Variants in EP300 observed in about 807,000 individuals in gnomAD.
The protein encoded by EP300 is histone acetyltransferase p300.
In EP300, 31 loss-of-function variants were observed where a neutral mutation model predicts 264.0. The observed-to-expected ratio is 0.12, with a 90% CI of 0.09 to 0.16. EP300 has a LOEUF of 0.16. EP300 is among the 10% of genes least tolerant of loss of function. The pLI is 1.00. For missense variants in EP300, 2,766 were observed against 3,052.9 expected (o/e 0.91, Z 2.21); for synonymous variants, 1,340 against 1,045.4 (o/e 1.28, Z -5.44).
intron 17 of EP300, among the ~76,000 whole-genome samples, chr22:41,155,870 T>G (rs1366023174): frequency 6.6e-6 from 1 of 152,182 alleles, no homozygotes; most frequent in Non-Finnish European, 1.5e-5. Flanking sequence ...TTGATAGACA[T>G]TTAGGTTGTT....
chr22:41,128,274 G>T, intron 4 of EP300, among the ~76,000 whole-genome samples: 1 of 152,080 alleles, frequency 6.6e-6, no homozygotes, highest in African/African-American at 2.4e-5. Flanking sequence ...GGGCAATATG[G>T]TGAAACCTCG....
chr22:41,167,598 ATATATATATATATATATATATATATATAT>A (rs2059144574), intron 23 of EP300, among the ~76,000 whole-genome samples: 1 of 15,704 alleles, frequency 6.4e-5, no homozygotes, highest in Non-Finnish European at 1.6e-4. Context: ...ATATATATAT[ATATATATATATATATATATATATATATAT>A]ATATATATAA....
chr22:41,140,839 C>G (rs1446111371), intron 9 of EP300, among the ~76,000 whole-genome samples: 1 of 152,116 alleles, frequency 6.6e-6, no homozygotes, highest in African/African-American at 2.4e-5. Context: ...GTTCTCTTTT[C>G]ACTAGAATAT....
In EP300 at chr22:41,179,663, CTTT is replaced by C; in HGVS notation, c.*710_*712del. 1 of 226,504 alleles carries C rather than the reference CTTT, an allele frequency of 4.4e-6. No homozygotes were observed. The highest frequency in any genetic ancestry group is 6.4e-5 in the East Asian group (1 of 15,742). The allele number at this position is 226,504 out of a possible 1,614,324, so 14.0% of individuals were successfully genotyped here. A position where few individuals can be genotyped will look rare whatever the true frequency, so the allele number is the denominator to read the frequency against. On this transcript the variant is annotated 3_prime_UTR_variant, in exon 31 of 31. Transcript: ENST00000263253. Reference sequence around the variant, plus strand: ...TTTGTACATGTAGAGAGAAAAATGACTTTTTCAAAAATATACAGGGGCAGCTGC... The same window carrying C: ...TTTGTACATGTAGAGAGAAAAATGACTTCAAAAATATACAGGGGCAGCTGC...
At chr22:41,098,721 A>T (rs996000302) in intron 1 of EP300, among the ~76,000 whole-genome samples, 2 of 152,196 alleles carry the variant, frequency 1.3e-5, no homozygotes, top group African/African-American at 2.4e-5. Flanking sequence ...AGTACTGAAA[A>T]GAGTAAGAGA....
rs1386270162 is a variant in EP300 at position 41,131,432 on chromosome 22, C to A, written c.1327C>A (p.Leu443Ile). The A allele has an allele frequency of 6.2e-7, 1 of 1,614,132 alleles. No homozygotes were observed. The part of the protein sequence containing the change: ...APVGLGNPSS[L>I]GVGQQSAPNL... ...CGTTGGACTTGGAAATCCTAGCTCT[C>A]TAGGGGTGGGTCAACAGTCTGCCCC... is the stretch of plus-strand genomic sequence containing the variant. The change falls in exon 6 of 31, where the codon CTA becomes ATA. Residue 443 changes from leucine (L) to isoleucine (I), a missense_variant. Transcript: ENST00000263253.
rs761815222 is a variant in EP300, at chr22:41,177,353, A to G, written c.5642A>G (p.Asn1881Ser). 11 of 1,613,766 alleles carry G rather than the reference A, an allele frequency of 6.8e-6. No individual in the cohort carries two copies. In the South Asian group the frequency reaches 1.1e-4, roughly 16 times the overall value. Reference sequence around the variant, plus strand: ...TCTCAGCCTCAGCCTACCCCTCCCAATAGCATGCCACCCTACTTGCCCAGG... The same window carrying G: ...TCTCAGCCTCAGCCTACCCCTCCCAGTAGCATGCCACCCTACTTGCCCAGG... ...PTSQPQPTPPNSMPPYLPRTQ... is the reference protein window; with the variant it reads ...PTSQPQPTPPSSMPPYLPRTQ... Residue 1881 changes from asparagine to serine, a missense_variant, in exon 31 of 31, where the codon AAT (asparagine) becomes AGT (serine). Transcript: ENST00000263253.
chr22:41,106,721 C>T (rs754065598), intron 1 of EP300, among the ~76,000 whole-genome samples: 1 of 151,940 alleles, frequency 6.6e-6, no homozygotes, highest in Non-Finnish European at 1.5e-5. Flanking sequence ...GCTAAATGAT[C>T]CTCCCACCTC....
chr22:41,105,889 TATC>T (rs1476644304), intron 1 of EP300, among the ~76,000 whole-genome samples: 1 of 152,216 alleles, frequency 6.6e-6, no homozygotes, highest in African/African-American at 2.4e-5. Context: ...CCTGTATAAT[TATC>T]ATCTTTTATC....
chr22:41,111,331 C>T (rs1296267991), intron 1 of EP300, among the ~76,000 whole-genome samples: 1 of 152,150 alleles, frequency 6.6e-6, no homozygotes, highest in East Asian at 1.9e-4. Context: ...CAGAAATTCA[C>T]TTTGATACGT....
intron 17 of EP300, among the ~76,000 whole-genome samples, chr22:41,156,293 G>T (rs536944623): frequency 9.2e-5 from 14 of 152,264 alleles, no homozygotes; most frequent in Middle Eastern, 3.4e-3. Context: ...GATTACAGGC[G>T]TGAGCCACCG....
intron 1 of EP300, among the ~76,000 whole-genome samples, chr22:41,099,340 G>GT (rs2058718897): frequency 6.6e-6 from 1 of 152,212 alleles, no homozygotes; most frequent in South Asian, 2.1e-4. Context: ...GCCTGTTTTT[G>GT]TTTTTCGTGG....
chr22:41,093,546 T>C (rs2058686031), intron 1 of EP300, among the ~76,000 whole-genome samples: 1 of 152,230 alleles, frequency 6.6e-6, no homozygotes, highest in Non-Finnish European at 1.5e-5. Context: ...CTTTGCAGAA[T>C]ATTTTCTGTT....
At chr22:41,153,122 C>A (rs1346527833) in intron 16 of EP300, among the ~76,000 whole-genome samples, 1 of 152,150 alleles carries the variant, frequency 6.6e-6, no homozygotes, top group East Asian at 1.9e-4. Flanking sequence ...AAGTAACTTT[C>A]CACAGGTTAC....
chr22:41,165,629 G>T (rs1023713651), intron 22 of EP300, among the ~76,000 whole-genome samples: 3 of 152,076 alleles, frequency 2.0e-5, no homozygotes, highest in Non-Finnish European at 4.4e-5. Context: ...CATCATATTG[G>T]TCAGGCTGGT....
chr22:41,153,477 G>A (rs1330832449), intron 16 of EP300, among the ~76,000 whole-genome samples: 1 of 152,154 alleles, frequency 6.6e-6, no homozygotes, highest in Non-Finnish European at 1.5e-5. Context: ...TTTAAAATGT[G>A]TGTTCCCTCA....
rs1225905552 is a variant in EP300 at position 41,179,049 on chromosome 22, TA to T, written c.*97del. 8.2e-6 allele frequency: 12 copies of T among 1,470,922 alleles called. No individual in the cohort carries two copies. The South Asian group carries it at 1.2e-4, about 15-fold the overall frequency. 91.1% of individuals were successfully genotyped at this position (1,470,922 alleles called of 1,614,324 possible). A position where few individuals can be genotyped will look rare whatever the true frequency, so the allele number is the denominator to read the frequency against. On this transcript the variant is annotated 3_prime_UTR_variant, in exon 31 of 31. Transcript: ENST00000263253. ...CAATTTTTTTGAATCTTTCGTAGCC[TA>T]AAAGACAATTTTCCTTGGAACACAT... is the stretch of plus-strand genomic sequence containing the variant.
Position 41,118,297 on chromosome 22 carries a change from A to G in EP300, c.729+476A>G, listed in dbSNP as rs116869531. On this transcript the variant is annotated intron_variant, in intron 2 of 30. Transcript: ENST00000263253. ...GTGCATTTGTTCATGTGAAACCTCA[A>G]CAGTGTAGATGTTTCAGTGAACCAG... Among the ~76,000 whole-genome samples, 31 of 152,340 alleles carry G rather than the reference A, an allele frequency of 2.0e-4. No homozygotes were observed. In the East Asian group the frequency reaches 5.8e-3, roughly 28 times the overall value.
intron 19 of EP300, chr22:41,159,081 T>TA (rs1361521990): frequency 6.5e-6 from 1 of 154,298 alleles, no homozygotes; most frequent in East Asian, 1.9e-4. Flanking sequence ...CACCTCTGCC[T>TA]AATTTTCTCC....
Sources: allele counts gnomAD v4.1 joint callset (sites outside exome capture counted in the v4.1 genomes callset), GRCh38; gene constraint gnomAD v4.1.1; transcripts MANE v1.5; gene names NCBI Gene and HGNC (gene_info 2026-07-23, HGNC 2026-07-21).